Variants in LRBA observed in about 807,000 individuals in gnomAD.
The protein encoded by LRBA is lipopolysaccharide-responsive and beige-like anchor protein.
In LRBA, 176 loss-of-function variants were observed where a neutral mutation model predicts 330.0. That is an observed-to-expected ratio of 0.53 (90% CI 0.47 to 0.60). LRBA has a LOEUF of 0.60. LRBA is among the 20% of genes least tolerant of loss of function. The pLI, the probability that LRBA is intolerant of heterozygous loss-of-function variation, is 0.00. For missense variants in LRBA, 3,259 were observed against 3,444.8 expected (o/e 0.95, Z 1.35); for synonymous variants, 1,230 against 1,193.0 (o/e 1.03, Z -0.64).
chr4:150,883,475 T>C (rs1447132556), intron 17 of LRBA, among the ~76,000 whole-genome samples: 1 of 152,012 alleles, frequency 6.6e-6, no homozygotes. Flanking sequence ...ACAAAAAAAT[T>C]ATGTTACTGT....
intron 2 of LRBA, among the ~76,000 whole-genome samples, chr4:150,944,033 C>A (rs1007909803): frequency 4.6e-5 from 7 of 152,208 alleles, no homozygotes; most frequent in Admixed American, 2.0e-4. Flanking sequence ...GTAAGTAACC[C>A]TGAAAGCAAG....
At chr4:150,846,245 C>T (rs1749823094) in intron 26 of LRBA, among the ~76,000 whole-genome samples, 1 of 151,882 alleles carries the variant, frequency 6.6e-6, no homozygotes, top group Non-Finnish European at 1.5e-5. Context: ...AAAATGGAGA[C>T]TCAGGCCAGC....
chr4:150,826,139 T>C (rs533086825), intron 30 of LRBA, among the ~76,000 whole-genome samples: 1 of 152,276 alleles, frequency 6.6e-6, no homozygotes, highest in Non-Finnish European at 1.5e-5. Flanking sequence ...ATATGTCAAA[T>C]TTAAGTAAAA....
intron 47 of LRBA, among the ~76,000 whole-genome samples, chr4:150,400,016 G>A (rs1479535763): frequency 6.6e-6 from 1 of 152,074 alleles, no homozygotes; most frequent in Non-Finnish European, 1.5e-5. Flanking sequence ...CTTCCCAAGG[G>A]GGAGGAATCT....
chr4:150,640,816 A>G (rs1321434895), intron 37 of LRBA, among the ~76,000 whole-genome samples: 1 of 152,192 alleles, frequency 6.6e-6, no homozygotes, highest in East Asian at 1.9e-4. Context: ...TATCCAGGAT[A>G]TAAAATAGGA....
chr4:150,349,893 C>G, intron 48 of LRBA, 99 bp downstream of exon 48: 2 of 1,037,326 alleles, frequency 1.9e-6, no homozygotes, highest in Non-Finnish European at 2.9e-6. Flanking sequence ...GTTTCACTTT[C>G]TTCATCACTA....
chr4:150,889,149 A>G (rs1235113873), intron 17 of LRBA, among the ~76,000 whole-genome samples: 2 of 152,164 alleles, frequency 1.3e-5, no homozygotes, highest in East Asian at 3.8e-4. Flanking sequence ...AGGTCCAGAC[A>G]TATTACAGTG....
chr4:150,694,462 C>CAAAAAAAAAAAACAAA (rs1784433855), intron 36 of LRBA, among the ~76,000 whole-genome samples: 1 of 71,010 alleles, frequency 1.4e-5, no homozygotes, highest in Non-Finnish European at 2.6e-5. Context: ...TGATCTTTAA[C>CAAAAAAAAAAAACAAA]AAAAAAAAAA....
intron 40 of LRBA, among the ~76,000 whole-genome samples, chr4:150,575,138 C>T (rs776733787): frequency 1.3e-5 from 2 of 151,776 alleles, no homozygotes; most frequent in Non-Finnish European, 3.0e-5. Context: ...ATCCATAGGC[C>T]AAGACAGCTG....
intron 29 of LRBA, 33 bp downstream of exon 29, chr4:150,831,784 T>C: frequency 1.3e-6 from 2 of 1,515,382 alleles, no homozygotes; most frequent in Non-Finnish European, 1.8e-6. Flanking sequence ...TTATTTGAAC[T>C]TTGGTACAAA....
At chr4:150,636,981 G>A (rs1777988011) in intron 37 of LRBA, among the ~76,000 whole-genome samples, 1 of 152,090 alleles carries the variant, frequency 6.6e-6, no homozygotes, top group African/African-American at 2.4e-5. Context: ...AATATGTCTA[G>A]AAGGGACTAG....
intron 36 of LRBA, among the ~76,000 whole-genome samples, chr4:150,722,531 G>A (rs900491703): frequency 6.6e-6 from 1 of 151,930 alleles, no homozygotes. Context: ...TAAAAATTAG[G>A]AGGTGAGGGG....
rs186190161 is a variant in LRBA, at chr4:150,780,687, A to T, written c.5580+17394T>A. Among the ~76,000 whole-genome samples, 636 of 148,984 alleles carry T rather than the reference A, an allele frequency of 4.3e-3. 4 individuals carry two copies. Among genetic ancestry groups the T allele is most frequent in the African/African-American group, 0.015 (615 of 40,630 alleles). On this transcript the variant is annotated intron_variant, in intron 34 of 56. Transcript: ENST00000651943. ...TGTGTGTGTGTATATATATATATGC[A>T]TACCAAGTATAATACAAAGTCCTAA...
At chr4:150,833,624 A>T (rs1233091800) in intron 28 of LRBA, among the ~76,000 whole-genome samples, 1 of 152,232 alleles carries the variant, frequency 6.6e-6, no homozygotes, top group Non-Finnish European at 1.5e-5. Flanking sequence ...AATATTTTAT[A>T]GCTTAAAAAT....
At chr4:150,565,809 C>T (rs1423806860) in intron 40 of LRBA, among the ~76,000 whole-genome samples, 2 of 152,076 alleles carry the variant, frequency 1.3e-5, no homozygotes, top group Admixed American at 1.3e-4. Flanking sequence ...TTTAAATTTA[C>T]TGAATAAAGA....
At chr4:150,934,599 C>T (rs763733754) in intron 2 of LRBA, among the ~76,000 whole-genome samples, 12 of 152,030 alleles carry the variant, frequency 7.9e-5, no homozygotes, top group Admixed American at 2.6e-4. Context: ...TGGCTGGGTG[C>T]GGTGGCTCAC....
intron 2 of LRBA, among the ~76,000 whole-genome samples, chr4:151,010,357 T>A (rs548592240): frequency 9.2e-4 from 140 of 152,268 alleles, no homozygotes; most frequent in Non-Finnish European, 1.2e-3. Context: ...GTTTGACAAA[T>A]TACTTTAAAA....
chr4:150,454,975 T>A (rs1430299029), intron 44 of LRBA, among the ~76,000 whole-genome samples: 2 of 126,406 alleles, frequency 1.6e-5, no homozygotes, highest in Non-Finnish European at 3.5e-5. Context: ...TTATTTTATT[T>A]TTTATTTTTT....
chr4:150,484,095 CTA>C (rs1757604089), intron 42 of LRBA, among the ~76,000 whole-genome samples: 1 of 151,896 alleles, frequency 6.6e-6, no homozygotes, highest in Admixed American at 6.6e-5. Context: ...GCTAAAATGA[CTA>C]TTTTATTTCT....
Sources: gnomAD v4.1 joint callset for allele counts (sites outside exome capture counted in the v4.1 genomes callset) on GRCh38, gnomAD v4.1.1 for gene constraint, MANE v1.5 for transcripts, NCBI Gene and HGNC (gene_info 2026-07-23, HGNC 2026-07-21) for gene names.